HTR7: variants seen among roughly 807,000 people sequenced by gnomAD.
HTR7 encodes 5-HT-7.
A neutral mutation model predicts 34.0 loss-of-function variants in HTR7; 16 were observed. The ratio of observed to expected loss-of-function variants is 0.47; its 90% CI spans 0.32 to 0.71. HTR7 has a LOEUF of 0.71. Ranked by LOEUF, HTR7 falls within the 30% of genes least tolerant of loss-of-function variation. The pLI is 0.04. For missense variants in HTR7, 504 were observed against 625.5 expected, an observed-to-expected ratio of 0.81 and a Z score of 2.07; for synonymous variants, 265 against 260.2, an observed-to-expected ratio of 1.02 and a Z score of -0.18.
At chr10:90,817,368 C>T (rs1318955231) in intron 1 of HTR7, among the ~76,000 whole-genome samples, 1 of 152,196 alleles carries the variant, frequency 6.6e-6, no homozygotes, top group Non-Finnish European at 1.5e-5. Flanking sequence ...CTTATCTTCA[C>T]AGGGACACAA....
intron 1 of HTR7, among the ~76,000 whole-genome samples, chr10:90,831,696 G>A (rs1052037933): frequency 2.6e-5 from 4 of 152,156 alleles, no homozygotes; most frequent in East Asian, 1.9e-4. Flanking sequence ...TGATTGGTCC[G>A]TTTTGACAGG....
intron 1 of HTR7, among the ~76,000 whole-genome samples, chr10:90,837,611 T>C (rs1846273104): frequency 6.6e-6 from 1 of 152,262 alleles, no homozygotes; most frequent in Non-Finnish European, 1.5e-5. Context: ...AACACTGTGC[T>C]AAATAAAATT....
chr10:90,831,371 T>C (rs927791745), intron 1 of HTR7, among the ~76,000 whole-genome samples: 1 of 152,032 alleles, frequency 6.6e-6, no homozygotes, highest in African/African-American at 2.4e-5. Context: ...CGGTGAGTGT[T>C]ACAGCTCAAG....
intron 1 of HTR7, among the ~76,000 whole-genome samples, chr10:90,773,478 C>CT (rs929030055): frequency 3.3e-5 from 5 of 152,080 alleles, no homozygotes; most frequent in African/African-American, 1.2e-4. Flanking sequence ...TCTACTGATA[C>CT]TTTTTAAGTT....
At chr10:90,778,703 T>C (rs575564824) in intron 1 of HTR7, among the ~76,000 whole-genome samples, 1 of 152,300 alleles carries the variant, frequency 6.6e-6, no homozygotes, top group South Asian at 2.1e-4. Context: ...ATACACTATA[T>C]ACTCACCCTC....
At chr10:90,836,057 C>T (rs1954266) in intron 1 of HTR7, among the ~76,000 whole-genome samples, 4 of 152,266 alleles carry the variant, frequency 2.6e-5, no homozygotes, top group Admixed American at 1.3e-4. Context: ...ACACAAATTA[C>T]GTATCCTTCC....
chr10:90,753,817 C>T (rs184883475), intron 1 of HTR7, among the ~76,000 whole-genome samples: 2 of 151,786 alleles, frequency 1.3e-5, no homozygotes, highest in Non-Finnish European at 2.9e-5. Flanking sequence ...ACAGAAACAA[C>T]AGAAGAGTGG....
intron 1 of HTR7, among the ~76,000 whole-genome samples, chr10:90,837,386 C>T (rs893049980): frequency 6.6e-6 from 1 of 152,186 alleles, no homozygotes; most frequent in Non-Finnish European, 1.5e-5. Flanking sequence ...AATGTGTTGC[C>T]TAAAAGTTCA....
chr10:90,756,753 A>T (rs1844837069), intron 1 of HTR7, among the ~76,000 whole-genome samples: 1 of 152,156 alleles, frequency 6.6e-6, no homozygotes, highest in Non-Finnish European at 1.5e-5. Context: ...GCCTGTAAAA[A>T]TTCATATATT....
Position 90,766,355 on chromosome 10 carries a change from C to T in HTR7, c.540-16761G>A, listed in dbSNP as rs538654161. 9.3e-4 allele frequency among the ~76,000 whole-genome samples: 141 copies of T among 152,280 alleles called. 1 individual carries two copies. Among genetic ancestry groups the T allele is most frequent in the African/African-American group, 3.2e-3 (132 of 41,558 alleles). On this transcript the variant is annotated intron_variant, in intron 1 of 3. Coordinates refer to ENST00000336152, the MANE Select transcript of HTR7 (RefSeq NM_019859.4). The stretch of plus-strand genomic sequence containing the variant: ...GATCCACTGCTACTCTCTTTTGGTA[C>T]TACTTGCATGAAATATCTTTTTCCA...
chr10:90,777,208 C>T (rs1178337902), intron 1 of HTR7, among the ~76,000 whole-genome samples: 1 of 151,988 alleles, frequency 6.6e-6, no homozygotes, highest in African/African-American at 2.4e-5. Context: ...ACAGGCCGGG[C>T]GTGGTGGCTC....
At chr10:90,781,726 A>T (rs1202457559) in intron 1 of HTR7, among the ~76,000 whole-genome samples, 1 of 152,202 alleles carries the variant, frequency 6.6e-6, no homozygotes, top group East Asian at 1.9e-4. Context: ...GTCCTTCCCC[A>T]TCAACTTAAA....
intron 1 of HTR7, among the ~76,000 whole-genome samples, chr10:90,843,361 T>C (rs1172655441): frequency 6.6e-6 from 1 of 152,206 alleles, no homozygotes. Context: ...CAGTTAATTT[T>C]ACAAACCATT....
At chr10:90,786,078 C>T (rs999816497) in intron 1 of HTR7, among the ~76,000 whole-genome samples, 11 of 152,326 alleles carry the variant, frequency 7.2e-5, no homozygotes, top group Middle Eastern at 6.8e-3. Flanking sequence ...GGAACTTCCT[C>T]AGCACATATG....
Position 90,788,483 on chromosome 10 carries a change from A to T in HTR7, c.540-38889T>A, listed in dbSNP as rs189300384. Among the ~76,000 whole-genome samples, 291 of 152,330 alleles carry T rather than the reference A, an allele frequency of 1.9e-3. 1 individual carries two copies. The highest frequency in any genetic ancestry group is 3.4e-3 in the Non-Finnish European group (231 of 68,032). On this transcript the variant is annotated intron_variant, in intron 1 of 3. Coordinates refer to ENST00000336152, the MANE Select transcript of HTR7 (RefSeq NM_019859.4). ...AAACTTGTTAAAGCAAATAAGATCA[A>T]TCATTCGGAGACCAAGAATTAGAAT...
rs114128675 is a variant in HTR7, at chr10:90,815,860, T to C, written c.539+41273A>G. ...TTGATAGCCCTTTGTAGAGCATTTA[T>C]TGCAGGTTTTGGCAAAAGTCTGTGA... On this transcript the variant is annotated intron_variant, in intron 1 of 3. Transcript: ENST00000336152. Among the ~76,000 whole-genome samples the C allele has an allele frequency of 1.0e-3, 154 of 152,340 alleles. 1 individual carries two copies. Among genetic ancestry groups the C allele is most frequent in the Middle Eastern group, 3.4e-3 (1 of 294 alleles).
chr10:90,756,379 T>C (rs527304590), intron 1 of HTR7, among the ~76,000 whole-genome samples: 6 of 152,338 alleles, frequency 3.9e-5, no homozygotes, highest in African/African-American at 1.4e-4. Context: ...TAAAAGTAAA[T>C]TTTTAACAAT....
intron 1 of HTR7, among the ~76,000 whole-genome samples, chr10:90,768,763 T>C (rs1845062103): frequency 2.0e-5 from 3 of 152,260 alleles, no homozygotes; most frequent in Admixed American, 2.0e-4. Context: ...ACATCATTCT[T>C]ATTCTCATGT....
intron 1 of HTR7, among the ~76,000 whole-genome samples, chr10:90,832,391 C>T (rs113107066): frequency 1.7e-3 from 253 of 152,320 alleles, no homozygotes; most frequent in African/African-American, 5.6e-3. Context: ...GCTGGGGGAC[C>T]CGGCACACCC....
Sources: gnomAD v4.1 joint callset for allele counts (sites outside exome capture counted in the v4.1 genomes callset) on GRCh38, gnomAD v4.1.1 for gene constraint, MANE v1.5 for transcripts, NCBI Gene and HGNC (gene_info 2026-07-23, HGNC 2026-07-21) for gene names.